The following HIBCH variants were observed in gnomAD, a reference collection of about 807,000 sequenced individuals.
HIBCH encodes 3-hydroxyisobutyryl-CoA hydrolase.
A neutral mutation model predicts 58.2 loss-of-function variants in HIBCH; 50 were observed. The ratio of observed to expected loss-of-function variants is 0.86; its 90% CI spans 0.68 to 1.09. The LOEUF (loss-of-function observed/expected upper bound fraction) is 1.09. Ranked by LOEUF, HIBCH falls within the 50% of genes least tolerant of loss-of-function variation. HIBCH has a pLI of 0.00. For synonymous variants in HIBCH, 151 were observed against 146.9 expected (o/e 1.03, Z -0.20); for missense variants, 450 against 449.7 (o/e 1.00, Z -0.01).
intron 6 of HIBCH, among the ~76,000 whole-genome samples, chr2:190,266,041 T>C (rs757053000): frequency 6.6e-6 from 1 of 152,342 alleles, no homozygotes; most frequent in Non-Finnish European, 1.5e-5. Context: ...ATAAGGTTAC[T>C]GCTTATGTTC....
rs993720496 is a variant in HIBCH, at chr2:190,243,428, C to T, written c.891+1459G>A. On this transcript the variant is annotated intron_variant, in intron 11 of 13. Coordinates refer to ENST00000359678, the MANE Select transcript of HIBCH (RefSeq NM_014362.4). The surrounding 1 kb of genome is among the most constrained non-coding windows in gnomAD (Gnocchi z 4.1). ...TAAACTCCCCTTTATATACATATCT[C>T]CTATTAGTTCTTTCCCTCTAGAGAA... Among the ~76,000 whole-genome samples the T allele has an allele frequency of 6.6e-6, 1 of 152,168 alleles. No individual in the cohort carries two copies. Among genetic ancestry groups the T allele is most frequent in the African/African-American group, 2.4e-5 (1 of 41,418 alleles).
rs576069753 is a variant in HIBCH at position 190,211,867 on chromosome 2, T to C, written c.1011+1089A>G. Among the ~76,000 whole-genome samples the C allele has an allele frequency of 6.6e-6, 1 of 152,328 alleles. No individual in the cohort carries two copies. Among genetic ancestry groups the C allele is most frequent in the African/African-American group, 2.4e-5 (1 of 41,576 alleles). The stretch of plus-strand genomic sequence containing the variant: ...CCTGGGACATAGCTAACATATTTGC[T>C]GAGAGAATGAAGGCAAGAATCAATC... On this transcript the variant is annotated intron_variant, in intron 12 of 13. Transcript: ENST00000359678. The surrounding 1 kb of genome is among the most constrained non-coding windows in gnomAD (Gnocchi z 5.0).
intron 7 of HIBCH, among the ~76,000 whole-genome samples, chr2:190,253,246 C>T (rs774860999): frequency 6.6e-6 from 1 of 152,050 alleles, no homozygotes; most frequent in Non-Finnish European, 1.5e-5. Context: ...ATTACCAGCA[C>T]ACTCCTTTGG....
At chr2:190,290,293 T>C (rs560165698) in intron 5 of HIBCH, 112 bp downstream of exon 5, 23 of 749,572 alleles carry the variant, frequency 3.1e-5, no homozygotes, top group Middle Eastern at 2.3e-4. Flanking sequence ...GCCTGGCACA[T>C]GGTATTAAAA....
intron 11 of HIBCH, among the ~76,000 whole-genome samples, chr2:190,227,651 C>T (rs1444167636): frequency 6.6e-6 from 1 of 152,124 alleles, no homozygotes; most frequent in Non-Finnish European, 1.5e-5. Context: ...TTACAATCTA[C>T]CCATCTGACA....
intron 11 of HIBCH, among the ~76,000 whole-genome samples, chr2:190,237,884 C>A (rs1332991368): frequency 6.6e-6 from 1 of 151,914 alleles, no homozygotes; most frequent in Non-Finnish European, 1.5e-5. Context: ...TATGTTCTCA[C>A]TGTTCAACTC....
At position 190,243,743 on chromosome 2, in the gene HIBCH, G is replaced by A. The variant is rs964782291; in HGVS notation, c.891+1144C>T. Among the ~76,000 whole-genome samples the A allele has an allele frequency of 1.3e-5, 2 of 152,146 alleles. No individual in the cohort carries two copies. Among genetic ancestry groups the A allele is most frequent in the Admixed American group, 6.5e-5 (1 of 15,274 alleles). ...AGCACTTTGGGAAGCTGAGGTGGGT[G>A]AATCACTTGAGCCTAGGAGGTCGAG... On this transcript the variant is annotated intron_variant, in intron 11 of 13. Transcript: ENST00000359678. This position sits in a 1 kb window ranked among gnomAD's most constrained non-coding sequence, Gnocchi z 4.1.
At chr2:190,199,872 G>T, downstream of HIBCH, 3 of 1,613,628 alleles carry the variant, frequency 1.9e-6, no homozygotes, top group Non-Finnish European at 2.5e-6. Context: ...TGGGCTGCAT[G>T]AAATCAAAGC....
In HIBCH at chr2:190,215,360, A is replaced by G. The variant is rs1377751866; in HGVS notation, c.892-2285T>C. Reference sequence around the variant, plus strand: ...CAATAAAGAGATCGGGCCCAAATGCAGGACCTAAGGGAACTAATAATTAAA... The same window carrying G: ...CAATAAAGAGATCGGGCCCAAATGCGGGACCTAAGGGAACTAATAATTAAA... On this transcript the variant is annotated intron_variant, in intron 11 of 13. Transcript: ENST00000359678. This position sits in a 1 kb window ranked among gnomAD's most constrained non-coding sequence, Gnocchi z 4.4. 6.6e-6 allele frequency: 1 copy of G among 152,210 alleles called. No individual in the cohort carries two copies. Among genetic ancestry groups the G allele is most frequent in the Non-Finnish European group, 1.5e-5 (1 of 68,044 alleles). The allele number at this position is 152,210 out of a possible 1,614,324, so 9.4% of individuals were successfully genotyped here. A position where few individuals can be genotyped will look rare whatever the true frequency, so the allele number is the denominator to read the frequency against.
At chr2:190,251,319 C>T (rs538732665) in intron 8 of HIBCH, among the ~76,000 whole-genome samples, 1 of 152,108 alleles carries the variant, frequency 6.6e-6, no homozygotes, top group Non-Finnish European at 1.5e-5. Flanking sequence ...GCTGACTTTA[C>T]CCCACAGATT....
At chr2:190,277,980 A>G (rs13402227) in intron 6 of HIBCH, among the ~76,000 whole-genome samples, 330 of 152,316 alleles carry the variant, frequency 2.2e-3, no homozygotes, top group African/African-American at 7.2e-3. Context: ...TTAAAAATGT[A>G]TATATACTAA....
At chr2:190,256,003 C>T (rs1313110087) in intron 7 of HIBCH, among the ~76,000 whole-genome samples, 1 of 152,116 alleles carries the variant, frequency 6.6e-6, no homozygotes. Flanking sequence ...GCAAAGCAAG[C>T]TTGGACCTTC....
chr2:190,313,314 A>G (rs958568965), intron 1 of HIBCH, among the ~76,000 whole-genome samples: 6 of 152,138 alleles, frequency 3.9e-5, no homozygotes, highest in Admixed American at 3.3e-4. Context: ...TATTTAGGCT[A>G]TTAGCATATT....
intron 7 of HIBCH, among the ~76,000 whole-genome samples, chr2:190,258,810 A>G (rs1396164839): frequency 6.6e-6 from 1 of 152,118 alleles, no homozygotes; most frequent in Non-Finnish European, 1.5e-5. Flanking sequence ...AATATGAGGT[A>G]TGGGTCTAAT....
chr2:190,275,420 T>C (rs1397629224), intron 6 of HIBCH, among the ~76,000 whole-genome samples: 1 of 152,226 alleles, frequency 6.6e-6, no homozygotes, highest in East Asian at 1.9e-4. Context: ...ATGAAAAAAC[T>C]ATGCAAGAAC....
chr2:190,296,791 T>C (rs1025545777), intron 3 of HIBCH, 22 bp downstream of exon 3: 3 of 1,597,386 alleles, frequency 1.9e-6, no homozygotes, highest in African/African-American at 1.3e-5. Flanking sequence ...ATCCATATAA[T>C]TGCAATAAGA....
chr2:190,234,805 A>G (rs1243605680), intron 11 of HIBCH, among the ~76,000 whole-genome samples: 1 of 151,422 alleles, frequency 6.6e-6, no homozygotes, highest in Non-Finnish European at 1.5e-5. Context: ...AGCCAAGATC[A>G]CTCCAGCCTG....
chr2:190,262,989 C>A (rs1173133150), intron 6 of HIBCH, among the ~76,000 whole-genome samples: 2 of 152,154 alleles, frequency 1.3e-5, no homozygotes, highest in Admixed American at 6.5e-5. Context: ...ATACGCTGAA[C>A]CATTTCGAAT....
intron 1 of HIBCH, among the ~76,000 whole-genome samples, chr2:190,312,188 AT>A (rs1352702547): frequency 2.6e-5 from 4 of 152,226 alleles, no homozygotes; most frequent in African/African-American, 9.6e-5. Context: ...GGTGCTGGTG[AT>A]TTAGGTATGT....
Sources: gnomAD v4.1 joint callset for allele counts (sites outside exome capture counted in the v4.1 genomes callset) on GRCh38, gnomAD v4.1.1 for gene constraint, Gnocchi (gnomAD v3.1) non-coding constraint, MANE v1.5 for transcripts, NCBI Gene and HGNC (gene_info 2026-07-23, HGNC 2026-07-21) for gene names.